SYN2: variants seen among roughly 807,000 people sequenced by gnomAD.
SYN2 encodes synapsin II, also known as synapsin-2.
In SYN2, 19 loss-of-function variants were observed where a neutral mutation model predicts 50.9. The observed-to-expected ratio is 0.37, with a 90% CI of 0.26 to 0.55. The LOEUF (loss-of-function observed/expected upper bound fraction) is 0.55, where lower values mean the gene tolerates loss of function less well. Among genes scored for constraint, SYN2 ranks in the 20% least tolerant of loss-of-function variants. SYN2 has a pLI of 0.81. For missense variants in SYN2, 587 were observed against 576.4 expected, an observed-to-expected ratio of 1.02 and a Z score of -0.19; for synonymous variants, 255 against 224.9, an observed-to-expected ratio of 1.13 and a Z score of -1.20.
At chr3:12,161,821 C>A in intron 6 of SYN2, 191 bp from the exon 7 acceptor site, 3 of 996,432 alleles carry the variant, frequency 3.0e-6, no homozygotes, top group Non-Finnish European at 4.4e-6. Flanking sequence ...GGGTCCTTTG[C>A]AGCAAGTGTG....
intron 1 of SYN2, among the ~76,000 whole-genome samples, chr3:12,036,888 TTACTA>T (rs1694509748): frequency 6.6e-6 from 1 of 152,202 alleles, no homozygotes; most frequent in African/African-American, 2.4e-5. Context: ...TTCCTTCACT[TTACTA>T]TAAGGGGCCA....
intron 7 of SYN2, among the ~76,000 whole-genome samples, chr3:12,163,305 T>C (rs541217063): frequency 1.3e-5 from 2 of 151,798 alleles, no homozygotes; most frequent in East Asian, 3.9e-4. Context: ...AAGAACATTA[T>C]TAATATATAG....
At chr3:12,119,564 T>C (rs1323431635) in intron 1 of SYN2, among the ~76,000 whole-genome samples, 3 of 152,322 alleles carry the variant, frequency 2.0e-5, no homozygotes, top group Non-Finnish European at 4.4e-5. Context: ...CTAATAACAG[T>C]TTTTGCATCA....
chr3:12,155,960 A>G (rs1697444592), intron 5 of SYN2, among the ~76,000 whole-genome samples: 1 of 152,170 alleles, frequency 6.6e-6, no homozygotes, highest in Non-Finnish European at 1.5e-5. Context: ...CCACATCCTC[A>G]GAGCTAGGAA....
At chr3:12,154,277 C>T (rs768315578) in intron 5 of SYN2, 2 of 1,612,866 alleles carry the variant, frequency 1.2e-6, no homozygotes, top group South Asian at 2.2e-5. Flanking sequence ...AATGAAGGCT[C>T]AGAACCCTTC....
Position 12,161,576 on chromosome 3 carries a change from A to G in SYN2, c.805A>G (p.Lys269Glu). 1 of 1,613,862 alleles carries G rather than the reference A, an allele frequency of 6.2e-7. No homozygotes were observed. Among genetic ancestry groups the G allele is most frequent in the East Asian group, 2.2e-5 (1 of 44,890 alleles). ...ACTGCCCACGTTCCCTGTGGTGGTG[A>G]AGATTGGCCACGCTCACTCAGGCAT... ...LTLPTFPVVV[K>E]IGHAHSGMGK... The change falls in exon 6 of 13, where the codon AAG becomes GAG. Residue 269 changes from lysine to glutamate, a missense_variant. By Grantham distance (56) the Lys-to-Glu change is moderately conservative (BLOSUM62 1). Coordinates refer to ENST00000621198, the MANE Select transcript of SYN2 (RefSeq NM_133625.6).
intron 1 of SYN2, among the ~76,000 whole-genome samples, chr3:12,138,224 T>C (rs111351382): frequency 6.6e-6 from 1 of 152,208 alleles, no homozygotes; most frequent in South Asian, 2.1e-4. Flanking sequence ...TTGGCTCCTT[T>C]TCTATAAGGT....
In SYN2 at chr3:12,064,794, G is replaced by A. The variant is rs143927049; in HGVS notation, c.377+59866G>A. 1.6e-4 allele frequency among the ~76,000 whole-genome samples: 24 copies of A among 152,206 alleles called. No homozygotes were observed. In the East Asian group the frequency reaches 4.6e-3, roughly 29 times the overall value. On this transcript the variant is annotated intron_variant, in intron 1 of 12. Transcript: ENST00000621198. ...ATGGATGGTGGAAATGTGAAATGGT[G>A]CACTTGGAAAAACAGTTTGTCAGTT...
At chr3:12,108,448 T>TA (rs1696245260) in intron 1 of SYN2, among the ~76,000 whole-genome samples, 1 of 152,196 alleles carries the variant, frequency 6.6e-6, no homozygotes, top group Non-Finnish European at 1.5e-5. Context: ...CTATAAGCCA[T>TA]AAACCCTTTT....
intron 1 of SYN2, among the ~76,000 whole-genome samples, chr3:12,123,838 G>A (rs1351576041): frequency 2.0e-5 from 3 of 151,974 alleles, no homozygotes; most frequent in Non-Finnish European, 2.9e-5. Flanking sequence ...GCAAAACCCC[G>A]TCTCTACAAA....
intron 1 of SYN2, among the ~76,000 whole-genome samples, chr3:12,035,667 A>T (rs1450404203): frequency 6.6e-6 from 1 of 152,214 alleles, no homozygotes; most frequent in Non-Finnish European, 1.5e-5. Flanking sequence ...TGCAAGTCAT[A>T]GGTAGATTCA....
intron 1 of SYN2, among the ~76,000 whole-genome samples, chr3:12,007,704 C>A (rs1478531689): frequency 6.6e-6 from 1 of 152,122 alleles, no homozygotes; most frequent in Non-Finnish European, 1.5e-5. Flanking sequence ...AGAGTCTGAA[C>A]AAGCATTTAA....
chr3:12,184,564 G>A (rs1698300727), intron 11 of SYN2: 1 of 985,930 alleles, frequency 1.0e-6, no homozygotes, highest in Admixed American at 6.1e-5. Flanking sequence ...TCCTGCTTCA[G>A]TTCTCAGCTG....
intron 1 of SYN2, among the ~76,000 whole-genome samples, chr3:12,041,183 G>A (rs1171394323): frequency 6.6e-6 from 1 of 152,212 alleles, no homozygotes; most frequent in Admixed American, 6.5e-5. Context: ...GAAAGCTGCC[G>A]GATCATGGTA....
chr3:12,080,139 A>T (rs1695555462), intron 1 of SYN2, among the ~76,000 whole-genome samples: 1 of 152,076 alleles, frequency 6.6e-6, no homozygotes. Flanking sequence ...CTGTGGGGTC[A>T]GTGGTGATAT....
chr3:12,142,356 A>G (rs1697039776), intron 3 of SYN2, among the ~76,000 whole-genome samples: 1 of 152,204 alleles, frequency 6.6e-6, no homozygotes, highest in East Asian at 1.9e-4. Flanking sequence ...TTTAAAACAA[A>G]CAAACAGACT....
At chr3:12,067,411 T>C (rs907563689) in intron 1 of SYN2, among the ~76,000 whole-genome samples, 2 of 152,212 alleles carry the variant, frequency 1.3e-5, no homozygotes, top group African/African-American at 2.4e-5. Flanking sequence ...GAAACTTCAC[T>C]TTCTCCCTGG....
intron 1 of SYN2, among the ~76,000 whole-genome samples, chr3:12,123,694 T>C (rs1696608251): frequency 6.6e-6 from 1 of 152,134 alleles, no homozygotes; most frequent in South Asian, 2.1e-4. Context: ...ATGCCTGTAA[T>C]CCTAGCACTT....
At chr3:12,176,726 T>G (rs1417522151) in intron 10 of SYN2, among the ~76,000 whole-genome samples, 1 of 152,076 alleles carries the variant, frequency 6.6e-6, no homozygotes, top group Non-Finnish European at 1.5e-5. Context: ...ATGTTATGAG[T>G]AAAAGTTAAA....
Sources: allele counts gnomAD v4.1 joint callset (sites outside exome capture counted in the v4.1 genomes callset), GRCh38; gene constraint gnomAD v4.1.1; transcripts MANE v1.5; gene names NCBI Gene and HGNC (gene_info 2026-07-23, HGNC 2026-07-21).